The following SLC25A48 variants were observed in gnomAD, a reference collection of about 807,000 sequenced individuals.
SLC25A48 encodes the protein solute carrier family 25 member 48.
SLC25A48 carries 29 observed loss-of-function variants against 32.2 expected under a neutral mutation model. The ratio of observed to expected loss-of-function variants is 0.90; its 90% CI spans 0.67 to 1.23. The LOEUF (loss-of-function observed/expected upper bound fraction) is 1.23, where lower values mean the gene tolerates loss of function less well. SLC25A48 is among the 50% of genes most tolerant of loss of function. The pLI, the probability that SLC25A48 is intolerant of heterozygous loss-of-function variation, is 0.00. For synonymous variants in SLC25A48, 164 were observed against 172.3 expected (o/e 0.95, Z 0.38); for missense variants, 399 against 422.7 (o/e 0.94, Z 0.49).
chr5:135,808,693 G>T (rs1490082963), intron 3 of SLC25A48, among the ~76,000 whole-genome samples: 1 of 152,020 alleles, frequency 6.6e-6, no homozygotes, highest in Non-Finnish European at 1.5e-5. Flanking sequence ...CTTCCTTAAA[G>T]GTTTGCTGTG....
chr5:135,720,303 T>C (rs1754918853), intron 3 of SLC25A48, among the ~76,000 whole-genome samples: 1 of 150,754 alleles, frequency 6.6e-6, no homozygotes, highest in African/African-American at 2.4e-5. Flanking sequence ...AAGGGTGCTT[T>C]TGAAGCAAAT....
At chr5:135,661,244 G>A (rs1753388951) in intron 3 of SLC25A48, among the ~76,000 whole-genome samples, 1 of 152,246 alleles carries the variant, frequency 6.6e-6, no homozygotes, top group Non-Finnish European at 1.5e-5. Flanking sequence ...CGGATAGGCA[G>A]ATGCGGGGAG....
chr5:135,691,781 C>G (rs777153154), intron 3 of SLC25A48, among the ~76,000 whole-genome samples: 7 of 152,282 alleles, frequency 4.6e-5, no homozygotes, highest in Middle Eastern at 3.4e-3. Flanking sequence ...ACATATTCCA[C>G]CTGGGGTTGT....
intron 1 of SLC25A48, among the ~76,000 whole-genome samples, chr5:135,593,200 C>T (rs1293142815): frequency 1.3e-5 from 2 of 152,146 alleles, no homozygotes; most frequent in East Asian, 1.9e-4. Context: ...TTTCTAGTCA[C>T]GGCTGATGGA....
At chr5:135,751,621 G>A (rs1335379819) in intron 3 of SLC25A48, among the ~76,000 whole-genome samples, 1 of 152,046 alleles carries the variant, frequency 6.6e-6, no homozygotes, top group Admixed American at 6.6e-5. Context: ...ATTGCTCGAG[G>A]CCAGGAGTTG....
At chr5:135,862,598 G>A (rs1760886690) in intron 4 of SLC25A48, among the ~76,000 whole-genome samples, 1 of 152,210 alleles carries the variant, frequency 6.6e-6, no homozygotes, top group Non-Finnish European at 1.5e-5. Context: ...AAAGGCCTCA[G>A]GAAAGTCTTT....
intron 4 of SLC25A48, among the ~76,000 whole-genome samples, chr5:135,820,178 G>C (rs1165906709): frequency 6.6e-6 from 1 of 152,164 alleles, no homozygotes; most frequent in Non-Finnish European, 1.5e-5. Flanking sequence ...TACACAGAAG[G>C]CTAGATAAGC....
intron 3 of SLC25A48, among the ~76,000 whole-genome samples, chr5:135,642,691 C>T (rs1300936606): frequency 6.6e-6 from 1 of 152,104 alleles, no homozygotes; most frequent in Non-Finnish European, 1.5e-5. Flanking sequence ...GTGTTGGATT[C>T]TGTGCTAATC....
intron 3 of SLC25A48, among the ~76,000 whole-genome samples, chr5:135,659,087 T>C (rs1249094066): frequency 1.3e-5 from 2 of 152,272 alleles, no homozygotes; most frequent in South Asian, 2.1e-4. Flanking sequence ...GTTTTTCTTT[T>C]CTACAACATG....
chr5:135,699,682 A>G (rs1236141520), intron 3 of SLC25A48, among the ~76,000 whole-genome samples: 1 of 152,238 alleles, frequency 6.6e-6, no homozygotes, highest in Non-Finnish European at 1.5e-5. Context: ...TTGATTTTAA[A>G]AACAATGGTA....
chr5:135,635,603 A>G (rs911469450), intron 3 of SLC25A48, among the ~76,000 whole-genome samples: 1 of 152,218 alleles, frequency 6.6e-6, no homozygotes, highest in Non-Finnish European at 1.5e-5. Flanking sequence ...AATCAGTGGT[A>G]TGCTGGTAAA....
chr5:135,777,114 C>T (rs571796943), intron 3 of SLC25A48, among the ~76,000 whole-genome samples: 10 of 150,408 alleles, frequency 6.6e-5, no homozygotes, highest in Middle Eastern at 3.3e-3. Context: ...AATATCCAGG[C>T]GGGGAGAGGA....
chr5:135,636,743 C>A (rs1752715512), intron 3 of SLC25A48, among the ~76,000 whole-genome samples: 1 of 152,208 alleles, frequency 6.6e-6, no homozygotes, highest in South Asian at 2.1e-4. Flanking sequence ...TGCACAGTAG[C>A]CAAAGTCTTT....
intron 1 of SLC25A48, among the ~76,000 whole-genome samples, chr5:135,594,383 A>G (rs1751598545): frequency 6.6e-6 from 1 of 152,182 alleles, no homozygotes; most frequent in South Asian, 2.1e-4. Context: ...ACACAGTAAG[A>G]CACTGCGTGA....
chr5:135,717,342 G>A (rs781696960), intron 3 of SLC25A48, among the ~76,000 whole-genome samples: 3 of 152,136 alleles, frequency 2.0e-5, no homozygotes, highest in Non-Finnish European at 4.4e-5. Context: ...CCACATCTGT[G>A]CCCTGCTTGA....
intron 1 of SLC25A48, among the ~76,000 whole-genome samples, chr5:135,614,822 T>C (rs547080203): frequency 6.7e-4 from 102 of 152,272 alleles, no homozygotes; most frequent in African/African-American, 2.3e-3. Flanking sequence ...AGGAGGGCCC[T>C]GGTGTGAGAT....
intron 2 of SLC25A48, among the ~76,000 whole-genome samples, chr5:135,843,430 G>A (rs1284189638): frequency 6.6e-6 from 1 of 152,202 alleles, no homozygotes; most frequent in Non-Finnish European, 1.5e-5. Flanking sequence ...CCTAGGCTTT[G>A]AGGACTCAGG....
At chr5:135,674,742 G>A (rs1421323941) in intron 3 of SLC25A48, among the ~76,000 whole-genome samples, 1 of 151,798 alleles carries the variant, frequency 6.6e-6, no homozygotes, top group African/African-American at 2.4e-5. Flanking sequence ...CCATTTGTCT[G>A]TGGATGGACA....
chr5:135,744,910 C>T (rs780766868), intron 3 of SLC25A48, among the ~76,000 whole-genome samples: 3 of 151,998 alleles, frequency 2.0e-5, no homozygotes, highest in Non-Finnish European at 2.9e-5. Flanking sequence ...GGAGAGGTGG[C>T]GGGCATCTGT....
Sources: gnomAD v4.1 joint callset for allele counts (sites outside exome capture counted in the v4.1 genomes callset) on GRCh38, gnomAD v4.1.1 for gene constraint, MANE v1.5 for transcripts, NCBI Gene and HGNC (gene_info 2026-07-23, HGNC 2026-07-21) for gene names.